Variants in GLRA2 observed in about 807,000 individuals in gnomAD.
GLRA2 encodes the protein glycine receptor alpha 2, also known as glycine receptor subunit alpha-2.
In GLRA2, 11 loss-of-function variants were observed where a neutral mutation model predicts 31.6. The observed-to-expected ratio is 0.35, with a 90% CI of 0.22 to 0.58. The LOEUF (loss-of-function observed/expected upper bound fraction) is 0.58, where lower values mean the gene tolerates loss of function less well. GLRA2 is among the 20% of genes least tolerant of loss of function. The probability of loss-of-function intolerance (pLI) is 0.84; values close to 1 mark genes in which losing one functional copy is unlikely to be tolerated. For synonymous variants in GLRA2, 132 were observed against 134.0 expected (o/e 0.99, Z 0.10); for missense variants, 212 against 351.8 (o/e 0.60, Z 3.18).
chrX:14,708,645 A>G (rs1231858594), intron 8 of GLRA2, among the ~76,000 whole-genome samples: 1 of 111,734 alleles, frequency 8.9e-6, no homozygotes, highest in Non-Finnish European at 1.9e-5. Flanking sequence ...GGGAGAAAAG[A>G]GAGACATCAG....
chrX:14,568,951 A>T (rs1270286343), intron 2 of GLRA2, among the ~76,000 whole-genome samples: 1 of 111,144 alleles, frequency 9.0e-6, no homozygotes, highest in Non-Finnish European at 1.9e-5. Context: ...AAATAGGTAA[A>T]TTAAACTTTA....
intron 7 of GLRA2, among the ~76,000 whole-genome samples, chrX:14,611,192 G>A (rs946772693): frequency 6.2e-5 from 7 of 112,617 alleles, no homozygotes; most frequent in African/African-American, 2.3e-4. Context: ...GCACATGCAT[G>A]TAAATACTCA....
chrX:14,711,597 C>G (rs1370763249), intron 8 of GLRA2, among the ~76,000 whole-genome samples: 5 of 112,510 alleles, frequency 4.4e-5, no homozygotes, highest in Admixed American at 3.8e-4. Context: ...CCTGTGTATA[C>G]CATCATGCTA....
chrX:14,580,472 CAG>C (rs1365237640), intron 3 of GLRA2, among the ~76,000 whole-genome samples: 1 of 111,622 alleles, frequency 9.0e-6, no homozygotes, highest in East Asian at 2.8e-4. Flanking sequence ...TATTCATTAA[CAG>C]AAGAAAATTC....
chrX:14,494,947 G>T, the GLRA2 span, among the ~76,000 whole-genome samples: 4 of 111,984 alleles, frequency 3.6e-5, no homozygotes, highest in African/African-American at 1.3e-4. Flanking sequence ...TCCTCTGTAT[G>T]ATGCCTCCTT....
At chrX:14,574,989 C>T (rs1353954645) in intron 3 of GLRA2, among the ~76,000 whole-genome samples, 6 of 108,542 alleles carry the variant, frequency 5.5e-5, no homozygotes, top group Non-Finnish European at 3.8e-5. Flanking sequence ...AGATATATTC[C>T]AAAGGGCTGA....
Position 14,620,715 on chromosome X carries a change from A to G in GLRA2, c.930+11510A>G, listed in dbSNP as rs761112262. On this transcript the variant is annotated intron_variant, in intron 7 of 8. Coordinates refer to ENST00000218075, the MANE Select transcript of GLRA2 (RefSeq NM_002063.4). ...TAACTTAAAGAAACTGGAATATCAA[A>G]TATATTCCAGATTACACATGGATTG... Among the ~76,000 whole-genome samples, 27 of 111,401 alleles carry G rather than the reference A, an allele frequency of 2.4e-4. 1 individual carries two copies. Among genetic ancestry groups the G allele is most frequent in the Non-Finnish European group, 4.5e-4 (24 of 52,991 alleles).
chrX:14,549,414 A>G (rs1004291597), intron 2 of GLRA2, among the ~76,000 whole-genome samples: 1 of 111,714 alleles, frequency 9.0e-6, no homozygotes, highest in Non-Finnish European at 1.9e-5. Context: ...ATTACATAAG[A>G]TTTCTAAGAA....
chrX:14,462,404 G>A, the GLRA2 span, among the ~76,000 whole-genome samples: 2 of 111,493 alleles, frequency 1.8e-5, no homozygotes, highest in Non-Finnish European at 1.9e-5. Context: ...GCCTTGCTAG[G>A]TTGGGGAAGT....
At chrX:14,523,286 G>T in the GLRA2 span, among the ~76,000 whole-genome samples, 1 of 111,687 alleles carries the variant, frequency 9.0e-6, no homozygotes, top group African/African-American at 3.3e-5. Flanking sequence ...CAGCCTTATA[G>T]AATTGAAAAG....
At chrX:14,707,379 G>A (rs181353207) in intron 8 of GLRA2, among the ~76,000 whole-genome samples, 112 of 111,511 alleles carry the variant, frequency 1.0e-3, no homozygotes, top group Middle Eastern at 4.6e-3. Context: ...GCTGTTAGGA[G>A]CAAGCAAGAT....
chrX:14,539,468 T>A (rs982703962), intron 2 of GLRA2, among the ~76,000 whole-genome samples: 2 of 111,617 alleles, frequency 1.8e-5, no homozygotes, highest in African/African-American at 6.5e-5. Context: ...AGGGAGCATA[T>A]GAGCAAAAGG....
Position 14,604,387 on chromosome X carries a change from G to A in GLRA2, c.567G>A (p.Gln189=). The A allele has an allele frequency of 8.8e-7, 1 of 1,137,005 alleles. No homozygotes were observed. The highest frequency in any genetic ancestry group is 2.4e-4 in the Middle Eastern group (1 of 4,145). 93.7% of individuals were successfully genotyped at this position (1,137,005 alleles called of 1,213,427 possible). Residue 189 remains glutamine, a synonymous_variant, in exon 5 of 9, where the codon CAG becomes CAA. Transcript: ENST00000218075. ...TGGATGTCCAGACCTGTACAATGCA[G>A]CTGGAGAGTTGTAAGTCACCACTGT... The part of the protein sequence containing the change: ...FPMDVQTCTM[Q]LESFGYTMND...
chrX:14,635,389 C>G (rs1338595736), intron 7 of GLRA2, among the ~76,000 whole-genome samples: 1 of 111,395 alleles, frequency 9.0e-6, no homozygotes, highest in African/African-American at 3.3e-5. Flanking sequence ...AAAATGAAGA[C>G]AGCAAAAATG....
At chrX:14,609,429 GA>G (rs1458119475) in intron 7 of GLRA2, among the ~76,000 whole-genome samples, 1 of 111,068 alleles carries the variant, frequency 9.0e-6, no homozygotes, top group Non-Finnish European at 1.9e-5. Flanking sequence ...TATTGAGAGG[GA>G]AGAGAAATGA....
chrX:14,481,742 C>T, the GLRA2 span, among the ~76,000 whole-genome samples: 2 of 110,692 alleles, frequency 1.8e-5, no homozygotes, highest in East Asian at 5.7e-4. Context: ...ACTCTTATTA[C>T]TTCAGATCCT....
chrX:14,520,143 G>T, the GLRA2 span, among the ~76,000 whole-genome samples: 1 of 111,789 alleles, frequency 8.9e-6, no homozygotes, highest in African/African-American at 3.2e-5. Flanking sequence ...ATGGAATGGG[G>T]GTTAGATACT....
intron 8 of GLRA2, among the ~76,000 whole-genome samples, chrX:14,701,670 G>A (rs746595694): frequency 2.5e-4 from 28 of 112,458 alleles, no homozygotes; most frequent in South Asian, 3.6e-4. Flanking sequence ...ATAAAATGTG[G>A]CAGTTAGCCC....
At chrX:14,477,360 C>T in the GLRA2 span, among the ~76,000 whole-genome samples, 15 of 111,439 alleles carry the variant, frequency 1.3e-4, no homozygotes, top group African/African-American at 4.6e-4. Flanking sequence ...TATACATGTC[C>T]GATACTCACC....
Sources: gnomAD v4.1 joint callset for allele counts (sites outside exome capture counted in the v4.1 genomes callset) on GRCh38, gnomAD v4.1.1 for gene constraint, MANE v1.5 for transcripts, NCBI Gene and HGNC (gene_info 2026-07-23, HGNC 2026-07-21) for gene names.